Variants in RBM47 observed in about 807,000 individuals in gnomAD.
RBM47 encodes RNA binding motif protein 47, also known as RNA-binding protein 47.
Under a neutral mutation model 47.1 loss-of-function variants are expected in RBM47, and 21 were observed. The ratio of observed to expected loss-of-function variants is 0.45; its 90% CI spans 0.32 to 0.64. The LOEUF (loss-of-function observed/expected upper bound fraction) is 0.64. RBM47 is among the 30% of genes least tolerant of loss of function. The pLI, the probability that RBM47 is intolerant of heterozygous loss-of-function variation, is 0.05. For missense variants in RBM47, 708 were observed against 870.9 expected (o/e 0.81, Z 2.35); for synonymous variants, 375 against 361.7 (o/e 1.04, Z -0.42).
intron 2 of RBM47, among the ~76,000 whole-genome samples, chr4:40,470,229 C>G (rs1034435219): frequency 3.9e-5 from 6 of 152,160 alleles, no homozygotes; most frequent in African/African-American, 7.2e-5. Context: ...CCCCGCCCCC[C>G]AGCCTGGTAC....
intron 2 of RBM47, among the ~76,000 whole-genome samples, chr4:40,481,397 A>G (rs1339816283): frequency 6.7e-6 from 1 of 148,818 alleles, no homozygotes; most frequent in Non-Finnish European, 1.5e-5. Context: ...CTCAGCCTCC[A>G]GAGTAGCTGG....
chr4:40,529,233 G>A (rs10428472), intron 2 of RBM47, among the ~76,000 whole-genome samples: 9,980 of 152,008 alleles, frequency 0.066, 438 homozygotes, highest in South Asian at 0.098. Flanking sequence ...GTGGCTGGGC[G>A]AGGTGGCTCA....
chr4:40,476,320 G>A (rs1301096408), intron 2 of RBM47, among the ~76,000 whole-genome samples: 1 of 151,828 alleles, frequency 6.6e-6, no homozygotes, highest in Non-Finnish European at 1.5e-5. Flanking sequence ...TTATATCTGG[G>A]GTAGGTAACT....
intron 2 of RBM47, among the ~76,000 whole-genome samples, chr4:40,495,609 GA>G (rs201833766): frequency 5.7e-4 from 81 of 142,472 alleles, no homozygotes; most frequent in African/African-American, 1.4e-3. Context: ...TCTCAAAAAA[GA>G]AAAAAAAAAA....
In RBM47 at chr4:40,574,965, G is replaced by A. The variant is rs10014708; in HGVS notation, c.-239-30459C>T. ...GTTTGGGTCAATTCCCCTAAAACAT[G>A]GGAGCTGCCATAGACCCCTCAAGGC... is the stretch of plus-strand genomic sequence containing the variant. On this transcript the variant is annotated intron_variant, in intron 1 of 6. Transcript: ENST00000295971. Among the ~76,000 whole-genome samples, 475 of 152,260 alleles carry A rather than the reference G, an allele frequency of 3.1e-3. 5 individuals carry two copies. Among genetic ancestry groups the A allele is most frequent in the African/African-American group, 0.011 (458 of 41,546 alleles).
At chr4:40,531,204 A>G (rs1577896918) in intron 2 of RBM47, among the ~76,000 whole-genome samples, 3 of 152,124 alleles carry the variant, frequency 2.0e-5, no homozygotes, top group Admixed American at 6.6e-5. Context: ...AAAAAAGGTG[A>G]CAAAGGTGAC....
chr4:40,568,749 G>C (rs1452276923), intron 1 of RBM47, among the ~76,000 whole-genome samples: 8 of 151,864 alleles, frequency 5.3e-5, no homozygotes, highest in Non-Finnish European at 7.4e-5. Context: ...GGGAGGCCGA[G>C]GCGGGTGGAT....
intron 2 of RBM47, among the ~76,000 whole-genome samples, chr4:40,472,965 T>A (rs752815953): frequency 1.1e-4 from 16 of 152,100 alleles, no homozygotes; most frequent in Non-Finnish European, 2.2e-4. Flanking sequence ...TCAAAAGAAA[T>A]GCATCCTGAA....
intron 3 of RBM47, among the ~76,000 whole-genome samples, chr4:40,459,274 G>A (rs2154225131): frequency 6.6e-6 from 1 of 152,360 alleles, no homozygotes; most frequent in African/African-American, 2.4e-5. Flanking sequence ...AGAATGAATG[G>A]ATAGAAGAAT....
rs1226614516 is a variant in RBM47, at chr4:40,423,715, T to C, written c.*2189A>G. On this transcript the variant is annotated 3_prime_UTR_variant, in exon 7 of 7. Coordinates refer to ENST00000295971, the MANE Select transcript of RBM47 (RefSeq NM_001098634.2). ...TTCTTTCTTTCTTTCTTTCTTTCTT[T>C]TCTTTCTTTTCTTTCTTCCTCTTCT... The C allele has an allele frequency of 2.1e-5, 3 of 142,692 alleles. No homozygotes were observed. The highest frequency in any genetic ancestry group is 4.6e-5 in the Non-Finnish European group (3 of 65,678). The allele number at this position is 142,692 out of a possible 1,614,324, so 8.8% of individuals were successfully genotyped here. A position where few individuals can be genotyped will look rare whatever the true frequency, so the allele number is the denominator to read the frequency against.
chr4:40,512,414 A>C (rs1369248150), intron 2 of RBM47, among the ~76,000 whole-genome samples: 1 of 6,230 alleles, frequency 1.6e-4, no homozygotes, highest in Non-Finnish European at 3.1e-4. Flanking sequence ...ACTCCATCTC[A>C]AAAAAAAAAA....
intron 2 of RBM47, among the ~76,000 whole-genome samples, chr4:40,491,054 G>A (rs954407015): frequency 2.6e-5 from 4 of 152,072 alleles, no homozygotes; most frequent in African/African-American, 9.7e-5. Context: ...CAGTGTATAG[G>A]GTGCAGAAAT....
intron 3 of RBM47, among the ~76,000 whole-genome samples, chr4:40,453,649 A>T (rs1304539827): frequency 6.6e-6 from 1 of 152,158 alleles, no homozygotes; most frequent in African/African-American, 2.4e-5. Context: ...ACCATGAGAG[A>T]ATTTCAGAGG....
At chr4:40,540,259 C>T (rs1050582839) in intron 2 of RBM47, among the ~76,000 whole-genome samples, 5 of 151,844 alleles carry the variant, frequency 3.3e-5, no homozygotes, top group African/African-American at 9.7e-5. Flanking sequence ...TGAGTATGTA[C>T]AATTATCATT....
At chr4:40,573,012 G>T (rs964862588) in intron 1 of RBM47, among the ~76,000 whole-genome samples, 1 of 151,488 alleles carries the variant, frequency 6.6e-6, no homozygotes, top group African/African-American at 2.4e-5. Flanking sequence ...TAGCTGCTGG[G>T]TGTGGTGGTA....
intron 2 of RBM47, among the ~76,000 whole-genome samples, chr4:40,482,858 G>A (rs148538292): frequency 1.3e-5 from 2 of 152,242 alleles, no homozygotes; most frequent in Non-Finnish European, 2.9e-5. Flanking sequence ...TTGTGGTTCA[G>A]TTCTTATTTA....
chr4:40,462,584 T>G (rs926038574), intron 3 of RBM47, among the ~76,000 whole-genome samples: 1 of 152,174 alleles, frequency 6.6e-6, no homozygotes, highest in African/African-American at 2.4e-5. Flanking sequence ...CCTAGTTACA[T>G]GAGCCATCAG....
intron 2 of RBM47, among the ~76,000 whole-genome samples, chr4:40,528,181 G>A (rs1726942269): frequency 6.6e-6 from 1 of 152,182 alleles, no homozygotes; most frequent in African/African-American, 2.4e-5. Flanking sequence ...GGGAGGCCAA[G>A]GCGGGCAGAT....
chr4:40,538,287 A>G (rs144144232), intron 2 of RBM47, among the ~76,000 whole-genome samples: 174 of 151,006 alleles, frequency 1.2e-3, no homozygotes, highest in African/African-American at 4.0e-3. Flanking sequence ...TTTCAAATAT[A>G]CCATTACATA....
Sources: allele counts gnomAD v4.1 joint callset (sites outside exome capture counted in the v4.1 genomes callset), GRCh38; gene constraint gnomAD v4.1.1; transcripts MANE v1.5; gene names NCBI Gene and HGNC (gene_info 2026-07-23, HGNC 2026-07-21).